The following MYO6 variants were observed in gnomAD, a reference collection of about 807,000 sequenced individuals.
MYO6 encodes myosin VI, also known as unconventional myosin-VI.
MYO6 carries 74 observed loss-of-function variants against 178.7 expected under a neutral mutation model. That is an observed-to-expected ratio of 0.41 (90% CI 0.34 to 0.50). The LOEUF (loss-of-function observed/expected upper bound fraction) is 0.50, where lower values mean the gene tolerates loss of function less well. Ranked by LOEUF, MYO6 falls within the 20% of genes least tolerant of loss-of-function variation. The pLI is 0.09. For missense variants in MYO6, 1,330 were observed against 1,547.4 expected (o/e 0.86, Z 2.36); for synonymous variants, 477 against 504.6 (o/e 0.95, Z 0.73).
chr6:75,775,432 G>T (rs1766285750), intron 1 of MYO6, among the ~76,000 whole-genome samples: 1 of 152,168 alleles, frequency 6.6e-6, no homozygotes, highest in Admixed American at 6.5e-5. Flanking sequence ...CAAATGAGAT[G>T]CATTGGCAAC....
At chr6:75,870,609 C>T (rs1407772922) in intron 18 of MYO6, 38 bp from the exon 19 acceptor site, 1 of 1,578,088 alleles carries the variant, frequency 6.3e-7, no homozygotes, top group East Asian at 2.2e-5. Context: ...TGTACTTTGG[C>T]TTTTTGAAAT....
At chr6:75,896,653 G>A (rs1779334796) in intron 29 of MYO6, among the ~76,000 whole-genome samples, 3 of 152,170 alleles carry the variant, frequency 2.0e-5, no homozygotes, top group African/African-American at 7.2e-5. Context: ...ATGTCTCACA[G>A]ACATGTTAAA....
intron 1 of MYO6, among the ~76,000 whole-genome samples, chr6:75,764,315 G>A (rs891626570): frequency 6.6e-6 from 1 of 152,060 alleles, no homozygotes; most frequent in Non-Finnish European, 1.5e-5. Flanking sequence ...CTCTAGCCCC[G>A]TTGGCCTCTT....
At chr6:75,906,837 C>T (rs977347624) in intron 30 of MYO6, among the ~76,000 whole-genome samples, 3 of 152,172 alleles carry the variant, frequency 2.0e-5, no homozygotes, top group African/African-American at 7.2e-5. Context: ...CTAAATGAGT[C>T]ATGATACAGC....
chr6:75,816,736 T>G (rs2150163670), intron 1 of MYO6, among the ~76,000 whole-genome samples: 1 of 152,350 alleles, frequency 6.6e-6, no homozygotes. Flanking sequence ...TTTTTATCCT[T>G]TTACTTCCAC....
intron 1 of MYO6, among the ~76,000 whole-genome samples, chr6:75,754,893 AATTT>A (rs1365760058): frequency 6.6e-6 from 1 of 152,172 alleles, no homozygotes; most frequent in East Asian, 1.9e-4. Context: ...AGATTTAGTA[AATTT>A]ATTCCTTTTC....
At chr6:75,820,752 CT>C (rs1179942719) in intron 2 of MYO6, among the ~76,000 whole-genome samples, 2 of 152,084 alleles carry the variant, frequency 1.3e-5, no homozygotes, top group African/African-American at 4.8e-5. Context: ...TGAAGTTTTT[CT>C]ACAGATACCC....
intron 28 of MYO6, among the ~76,000 whole-genome samples, chr6:75,894,179 A>G (rs1227115276): frequency 2.0e-5 from 3 of 152,190 alleles, no homozygotes; most frequent in East Asian, 3.8e-4. Context: ...GTGCCATTCC[A>G]TATACTGTAT....
intron 1 of MYO6, among the ~76,000 whole-genome samples, chr6:75,808,222 A>C (rs1770297819): frequency 1.3e-5 from 2 of 152,176 alleles, no homozygotes; most frequent in Non-Finnish European, 2.9e-5. Flanking sequence ...ACAGAAATTT[A>C]GTTTTTTCAC....
At chr6:75,822,675 A>C in intron 2 of MYO6, 107 bp from the exon 3 acceptor site, 1 of 803,274 alleles carries the variant, frequency 1.2e-6, no homozygotes, top group Admixed American at 1.8e-5. Context: ...ATTTTAATAA[A>C]GAGCATATTG....
intron 19 of MYO6, among the ~76,000 whole-genome samples, chr6:75,872,186 G>A (rs1459554227): frequency 1.3e-5 from 2 of 152,072 alleles, no homozygotes; most frequent in African/African-American, 2.4e-5. Flanking sequence ...TTTGTAGGGA[G>A]CTTCATTGTT....
intron 1 of MYO6, among the ~76,000 whole-genome samples, chr6:75,759,511 TC>T (rs1388487585): frequency 6.6e-6 from 1 of 151,566 alleles, no homozygotes; most frequent in African/African-American, 2.4e-5. Context: ...TGATCTCTCT[TC>T]CCTCTTCCTC....
chr6:75,822,903 T>G, intron 3 of MYO6, 52 bp downstream of exon 3: 5 of 1,410,448 alleles, frequency 3.5e-6, no homozygotes, highest in Non-Finnish European at 5.0e-6. Context: ...AGACTGTTCT[T>G]TTAAAAAAAT....
At chr6:75,793,804 G>T (rs1229187572) in intron 1 of MYO6, among the ~76,000 whole-genome samples, 1 of 152,052 alleles carries the variant, frequency 6.6e-6, no homozygotes, top group Non-Finnish European at 1.5e-5. Context: ...AACATCATTA[G>T]AATGATAGTA....
At chr6:75,892,851 A>G (rs1779012259) in intron 28 of MYO6, among the ~76,000 whole-genome samples, 161 bp downstream of exon 28, 2 of 152,194 alleles carry the variant, frequency 1.3e-5, no homozygotes, top group Non-Finnish European at 2.9e-5. Context: ...CGACTTTCAT[A>G]CTCAAGTGAA....
intron 22 of MYO6, among the ~76,000 whole-genome samples, chr6:75,880,930 G>A (rs1489880937): frequency 1.3e-5 from 2 of 152,154 alleles, no homozygotes; most frequent in Non-Finnish European, 2.9e-5. Flanking sequence ...CTGTCACTTA[G>A]TAGCAAAAAT....
rs1562208624 is a variant in MYO6, at chr6:75,822,685, G to A, written c.118-97G>A. On this transcript the variant is annotated intron_variant, in intron 2 of 34. Transcript: ENST00000369977. The stretch of plus-strand genomic sequence containing the variant: ...ATTATATTTTAATAAAGAGCATATT[G>A]TTGCCACTATTACAGTGTATGCAAC... The A allele has an allele frequency of 1.7e-5, 15 of 872,064 alleles. No homozygotes were observed. In the Admixed American group the frequency reaches 2.6e-4, roughly 15 times the overall value. 54.0% of individuals were successfully genotyped at this position (872,064 alleles called of 1,614,324 possible).
intron 11 of MYO6, among the ~76,000 whole-genome samples, chr6:75,848,937 T>C (rs1774995035): frequency 6.6e-6 from 1 of 152,182 alleles, no homozygotes. Flanking sequence ...CAATTTAATA[T>C]ATAAAAGCCC....
At chr6:75,913,372 C>T (rs1339383963) in intron 33 of MYO6, among the ~76,000 whole-genome samples, 1 of 152,156 alleles carries the variant, frequency 6.6e-6, no homozygotes, top group Non-Finnish European at 1.5e-5. Flanking sequence ...TCAAATGTTA[C>T]ATACTTTGCA....
Sources: gnomAD v4.1 joint callset for allele counts (sites outside exome capture counted in the v4.1 genomes callset) on GRCh38, gnomAD v4.1.1 for gene constraint, MANE v1.5 for transcripts, NCBI Gene and HGNC (gene_info 2026-07-23, HGNC 2026-07-21) for gene names.